HDAC9: variants seen among roughly 807,000 people sequenced by gnomAD.
The protein encoded by HDAC9 is histone deacetylase 9, also known as MEF-2 interacting transcription repressor (MITR) protein.
In HDAC9, 41 loss-of-function variants were observed where a neutral mutation model predicts 139.4. The ratio of observed to expected loss-of-function variants is 0.29; its 90% CI spans 0.23 to 0.38. HDAC9 has a LOEUF of 0.38. HDAC9 is among the 10% of genes least tolerant of loss of function. The probability of loss-of-function intolerance (pLI) is 1.00; values close to 1 mark genes in which losing one functional copy is unlikely to be tolerated. For missense variants in HDAC9, 1,147 were observed against 1,297.0 expected, an observed-to-expected ratio of 0.88 and a Z score of 1.78; for synonymous variants, 517 against 476.2, an observed-to-expected ratio of 1.09 and a Z score of -1.12.
At chr7:18,910,318 C>G (rs118159449) in intron 22 of HDAC9, among the ~76,000 whole-genome samples, 7,156 of 151,872 alleles carry the variant, frequency 0.047, 242 homozygotes, top group South Asian at 0.12. Flanking sequence ...AGCTATTGCC[C>G]ATTGGATTGC....
At chr7:18,859,115 T>G (rs1325491528) in intron 21 of HDAC9, among the ~76,000 whole-genome samples, 2 of 152,090 alleles carry the variant, frequency 1.3e-5, no homozygotes, top group African/African-American at 4.8e-5. Context: ...CTTCATTGAG[T>G]CTTAGTCTTA....
At chr7:18,574,770 G>T (rs1467039960) in intron 2 of HDAC9, among the ~76,000 whole-genome samples, 1 of 152,260 alleles carries the variant, frequency 6.6e-6, no homozygotes, top group Non-Finnish European at 1.5e-5. Context: ...GGTTGCGACA[G>T]TGCCTGGGCT....
upstream of HDAC9, chr7:18,290,231 C>T: frequency 3.3e-6 from 1 of 301,746 alleles, no homozygotes; most frequent in Non-Finnish European, 6.7e-6. Context: ...TTAACTCTCT[C>T]ATGCCTGCAT....
intron 12 of HDAC9, among the ~76,000 whole-genome samples, chr7:18,704,873 A>G (rs1167062071): frequency 6.6e-6 from 1 of 152,224 alleles, no homozygotes; most frequent in Non-Finnish European, 1.5e-5. Context: ...ATCCATTGCC[A>G]TTAGTTAAAA....
chr7:18,849,898 C>T (rs1271018407), intron 21 of HDAC9, among the ~76,000 whole-genome samples: 1 of 151,876 alleles, frequency 6.6e-6, no homozygotes, highest in African/African-American at 2.4e-5. Flanking sequence ...CCAAAGATAA[C>T]ATTTGTAGAT....
chr7:18,221,106 C>CTTTTTTTTTTTTTTTTTTT lies in HDAC9; in HGVS notation c.25+58770_25+58771insTTTTTTTTTTTTTTTTTTT, dbSNP rs537033538. ...TCTATAATATTTTGCATTTCTATTC[C>CTTTTTTTTTTTTTTTTTTT]TTTTTTTTTTTTTGTGACGGAGTTT... On this transcript the variant is annotated intron_variant, in intron 2 of 12. Coordinates refer to the HDAC9 transcript ENST00000417496. Among the ~76,000 whole-genome samples the CTTTTTTTTTTTTTTTTTTT allele has an allele frequency of 4.4e-4, 62 of 139,630 alleles. 4 individuals carry two copies. The highest frequency in any genetic ancestry group is 1.6e-3 in the African/African-American group (58 of 36,404). 91.6% of individuals were successfully genotyped at this position (139,630 alleles called of 152,430 possible).
At chr7:18,869,948 G>C (rs558945574) in intron 21 of HDAC9, among the ~76,000 whole-genome samples, 3 of 150,514 alleles carry the variant, frequency 2.0e-5, no homozygotes, top group African/African-American at 4.9e-5. Flanking sequence ...TTAGAAACTT[G>C]TTTGATAGCA....
At chr7:18,816,850 A>G (rs928019965) in intron 17 of HDAC9, among the ~76,000 whole-genome samples, 4 of 152,192 alleles carry the variant, frequency 2.6e-5, no homozygotes, top group Admixed American at 6.5e-5. Flanking sequence ...CCATATCACT[A>G]TGTTAAGTGT....
intron 25 of HDAC9, among the ~76,000 whole-genome samples, chr7:18,980,761 T>TCTTCTTCTTCTTCTTC (rs1784883119): frequency 6.0e-5 from 6 of 100,266 alleles, no homozygotes; most frequent in Non-Finnish European, 1.0e-4. Flanking sequence ...TCTTCTTCCT[T>TCTTCTTCTTCTTCTTC]CTTCTTCTTC....
intron 22 of HDAC9, among the ~76,000 whole-genome samples, chr7:18,921,776 C>A (rs1803756339): frequency 2.0e-5 from 3 of 152,038 alleles, no homozygotes; most frequent in Non-Finnish European, 1.5e-5. Context: ...GACACATGTA[C>A]ACGTATGTTT....
intron 2 of HDAC9, chr7:18,260,506 AGACGGG>A (rs2128206303): frequency 6.6e-6 from 1 of 152,530 alleles, no homozygotes; most frequent in Non-Finnish European, 1.5e-5. Flanking sequence ...TTTTTAGTAG[AGACGGG>A]GTTTCACCGT....
At chr7:18,948,899 G>A (rs151250461) in intron 23 of HDAC9, 3 of 290,564 alleles carry the variant, frequency 1.0e-5, no homozygotes, top group African/African-American at 4.5e-5. Flanking sequence ...AAACTATTAA[G>A]GAGACTTCTT....
At chr7:18,742,018 G>C (rs1281492956) in intron 13 of HDAC9, among the ~76,000 whole-genome samples, 2 of 152,174 alleles carry the variant, frequency 1.3e-5, no homozygotes, top group South Asian at 4.1e-4. Context: ...ATGTTTTCTT[G>C]GGATGGAGTG....
At chr7:18,628,872 A>C (rs1366121509) in intron 6 of HDAC9, among the ~76,000 whole-genome samples, 1 of 152,184 alleles carries the variant, frequency 6.6e-6, no homozygotes, top group Non-Finnish European at 1.5e-5. Context: ...AGAATTAGAC[A>C]TAAATTATAT....
chr7:18,402,571 AGGAGCT>A (rs1455284073), intron 1 of HDAC9, among the ~76,000 whole-genome samples: 1 of 152,176 alleles, frequency 6.6e-6, no homozygotes, highest in Non-Finnish European at 1.5e-5. Context: ...TGCCAAGCTA[AGGAGCT>A]GGACTTTTAT....
intron 21 of HDAC9, among the ~76,000 whole-genome samples, chr7:18,843,103 G>C (rs779614372): frequency 2.0e-5 from 3 of 152,008 alleles, no homozygotes; most frequent in African/African-American, 4.8e-5. Context: ...TCTGGAATCT[G>C]TATAGCAATT....
At chr7:18,526,512 A>G (rs1185301559) in intron 2 of HDAC9, among the ~76,000 whole-genome samples, 1 of 152,230 alleles carries the variant, frequency 6.6e-6, no homozygotes, top group Non-Finnish European at 1.5e-5. Context: ...ATAGATGCAA[A>G]CAGTGGGAAC....
intron 24 of HDAC9, among the ~76,000 whole-genome samples, chr7:18,959,845 A>C (rs546148485): frequency 1.3e-5 from 2 of 152,150 alleles, no homozygotes; most frequent in South Asian, 4.1e-4. Context: ...ATTTCTTATT[A>C]TGCCAACCAA....
intron 21 of HDAC9, among the ~76,000 whole-genome samples, chr7:18,844,641 C>T (rs1796793246): frequency 6.6e-6 from 1 of 152,086 alleles, no homozygotes; most frequent in Admixed American, 6.6e-5. Context: ...GACTGAATTT[C>T]AGAAACAAAA....
Sources: gnomAD v4.1 joint callset for allele counts (sites outside exome capture counted in the v4.1 genomes callset) on GRCh38, gnomAD v4.1.1 for gene constraint, MANE v1.5 for transcripts, NCBI Gene and HGNC (gene_info 2026-07-23, HGNC 2026-07-21) for gene names.